Variants in GNAL observed in about 807,000 individuals in gnomAD.
The protein encoded by GNAL is guanine nucleotide-binding protein G(olf) subunit alpha.
GNAL carries 18 observed loss-of-function variants against 55.1 expected under a neutral mutation model. The observed-to-expected ratio is 0.33, with a 90% CI of 0.23 to 0.48. The LOEUF (loss-of-function observed/expected upper bound fraction) is 0.48. Among genes scored for constraint, GNAL ranks in the 20% least tolerant of loss-of-function variants. The pLI is 0.99. For synonymous variants in GNAL, 253 were observed against 237.0 expected (o/e 1.07, Z -0.62); for missense variants, 412 against 614.1 (o/e 0.67, Z 3.48).
intron 5 of GNAL, among the ~76,000 whole-genome samples, chr18:11,843,648 T>G (rs1030233262): frequency 2.0e-5 from 3 of 152,176 alleles, no homozygotes; most frequent in African/African-American, 7.2e-5. Flanking sequence ...ACCATTTTGC[T>G]TCCTAACGAA....
chr18:11,797,074 A>T (rs1223569343), intron 4 of GNAL, among the ~76,000 whole-genome samples: 1 of 151,878 alleles, frequency 6.6e-6, no homozygotes, highest in Admixed American at 6.6e-5. Context: ...GACTCAAGGG[A>T]TTATCCCACT....
chr18:11,830,455 C>A (rs2035355562), intron 5 of GNAL, among the ~76,000 whole-genome samples: 1 of 152,018 alleles, frequency 6.6e-6, no homozygotes, highest in African/African-American at 2.4e-5. Context: ...GGTAATAATT[C>A]TAAGACCTCT....
intron 5 of GNAL, chr18:11,852,012 G>A: frequency 6.2e-7 from 1 of 1,613,612 alleles, no homozygotes; most frequent in South Asian, 1.1e-5. Flanking sequence ...TCAACATGGA[G>A]CTGCCGCAGG....
intron 1 of GNAL, among the ~76,000 whole-genome samples, chr18:11,720,084 T>C (rs2032060150): frequency 6.6e-6 from 1 of 152,204 alleles, no homozygotes; most frequent in South Asian, 2.1e-4. Flanking sequence ...AATTCTGTTT[T>C]CCTAGCAAGC....
chr18:11,767,016 T>C (rs2033427653), intron 4 of GNAL, among the ~76,000 whole-genome samples: 1 of 152,234 alleles, frequency 6.6e-6, no homozygotes, highest in South Asian at 2.1e-4. Flanking sequence ...ACCCAACCTG[T>C]ATTCTTCCTT....
chr18:11,793,807 C>T lies in GNAL; in HGVS notation c.625-31111C>T, dbSNP rs567571452. On this transcript the variant is annotated intron_variant, in intron 4 of 11. Coordinates refer to ENST00000334049, the MANE Select transcript of GNAL (RefSeq NM_182978.4). ...GCGTGGTGGCACGTGCCTGTGATCC[C>T]AGCTACTTGGGAGGCTGAGGCTGGA... Among the ~76,000 whole-genome samples, 10 of 151,412 alleles carry T rather than the reference C, an allele frequency of 6.6e-5. No individual in the cohort carries two copies. The South Asian group carries it at 1.9e-3, about 28-fold the overall frequency.
chr18:11,766,189 G>T (rs559140849), intron 4 of GNAL, among the ~76,000 whole-genome samples: 9 of 152,298 alleles, frequency 5.9e-5, no homozygotes, highest in South Asian at 2.1e-4. Context: ...CTTGAGGAAG[G>T]TTCCTTTGAA....
At chr18:11,757,489 G>T (rs1228760992) in intron 4 of GNAL, among the ~76,000 whole-genome samples, 1 of 152,238 alleles carries the variant, frequency 6.6e-6, no homozygotes, top group Non-Finnish European at 1.5e-5. Flanking sequence ...GGTAATGGGA[G>T]AGCTTGCAGT....
Position 11,884,620 on chromosome 18 carries a change from A to G in GNAL, c.*3485A>G. On this transcript the variant is annotated 3_prime_UTR_variant, in exon 12 of 12. Transcript: ENST00000334049. ...GGAGAGGGTGTAGTCTGTGGGCGTG[A>G]TGCTACCCTGGAAAGGAGAAGGGAA... The G allele has an allele frequency of 1.2e-6, 2 of 1,613,286 alleles. No homozygotes were observed. Among genetic ancestry groups the G allele is most frequent in the Non-Finnish European group, 1.7e-6 (2 of 1,179,764 alleles).
chr18:11,788,914 AAT>A (rs766675246), intron 4 of GNAL, among the ~76,000 whole-genome samples: 3 of 56,298 alleles, frequency 5.3e-5, no homozygotes, highest in African/African-American at 3.0e-4. Flanking sequence ...AAAAAAAAAA[AAT>A]ATATATATAT....
At chr18:11,802,081 T>A (rs1475529516) in intron 4 of GNAL, among the ~76,000 whole-genome samples, 2 of 152,214 alleles carry the variant, frequency 1.3e-5, no homozygotes, top group Non-Finnish European at 2.9e-5. Context: ...TAGGGACATT[T>A]TTTTTCTGGT....
chr18:11,694,371 AG>A (rs1208035496), intron 1 of GNAL, among the ~76,000 whole-genome samples: 1 of 152,194 alleles, frequency 6.6e-6, no homozygotes, highest in Non-Finnish European at 1.5e-5. Context: ...CTGATGACTC[AG>A]CTTTCTTTCC....
chr18:11,812,946 T>C (rs1330827012), intron 4 of GNAL, among the ~76,000 whole-genome samples: 2 of 151,606 alleles, frequency 1.3e-5, no homozygotes, highest in African/African-American at 4.8e-5. Context: ...CAAAACATTA[T>C]TGAGATAATT....
At chr18:11,849,115 C>T (rs1305051833) in intron 5 of GNAL, among the ~76,000 whole-genome samples, 2 of 152,168 alleles carry the variant, frequency 1.3e-5, no homozygotes, top group African/African-American at 4.8e-5. Context: ...TGCATAAGTA[C>T]TTTATTAATG....
At chr18:11,849,973 T>C (rs1392060971) in intron 5 of GNAL, among the ~76,000 whole-genome samples, 1 of 152,156 alleles carries the variant, frequency 6.6e-6, no homozygotes, top group Non-Finnish European at 1.5e-5. Flanking sequence ...TGCCAGGCAA[T>C]GTGCCCTGTA....
chr18:11,859,316 G>A (rs2036076697), intron 5 of GNAL, among the ~76,000 whole-genome samples: 1 of 152,098 alleles, frequency 6.6e-6, no homozygotes, highest in Admixed American at 6.6e-5. Flanking sequence ...CAGAGCTCCC[G>A]TCCCACCCCG....
At chr18:11,691,335 A>T (rs2031241181) in intron 1 of GNAL, among the ~76,000 whole-genome samples, 1 of 151,288 alleles carries the variant, frequency 6.6e-6, no homozygotes, top group South Asian at 2.1e-4. Flanking sequence ...AATTTGTTTG[A>T]GTTCATTGTA....
intron 5 of GNAL, among the ~76,000 whole-genome samples, chr18:11,847,862 C>A (rs1291300826): frequency 2.6e-5 from 4 of 152,138 alleles, no homozygotes; most frequent in African/African-American, 9.7e-5. Context: ...AAAGAGAAAG[C>A]ATACCAAGCT....
At chr18:11,702,542 T>G (rs1437622096) in intron 1 of GNAL, among the ~76,000 whole-genome samples, 1 of 152,238 alleles carries the variant, frequency 6.6e-6, no homozygotes, top group Non-Finnish European at 1.5e-5. Context: ...GGCTACTATT[T>G]GTTTATTCAG....
Sources: allele counts gnomAD v4.1 joint callset (sites outside exome capture counted in the v4.1 genomes callset), GRCh38; gene constraint gnomAD v4.1.1; transcripts MANE v1.5; gene names NCBI Gene and HGNC (gene_info 2026-07-23, HGNC 2026-07-21).